Variants in FGF20 observed in about 807,000 individuals in gnomAD.
FGF20 encodes the protein fibroblast growth factor 20.
In FGF20, 8 loss-of-function variants were observed where a neutral mutation model predicts 16.7. That is an observed-to-expected ratio of 0.48 (90% CI 0.28 to 0.87). FGF20 has a LOEUF of 0.87. Among genes scored for constraint, FGF20 ranks in the 40% least tolerant of loss-of-function variants. The pLI is 0.10. For synonymous variants in FGF20, 161 were observed against 118.6 expected, an observed-to-expected ratio of 1.36 and a Z score of -2.32; for missense variants, 397 against 281.4, an observed-to-expected ratio of 1.41 and a Z score of -2.94.
chr8:16,996,007 C>T (rs1810034095), intron 1 of FGF20, among the ~76,000 whole-genome samples: 1 of 152,136 alleles, frequency 6.6e-6, no homozygotes, highest in African/African-American at 2.4e-5. Context: ...CCCAGAGAAC[C>T]TCTGACCGGC....
At chr8:16,998,453 T>C (rs1810106163) in intron 1 of FGF20, among the ~76,000 whole-genome samples, 1 of 152,224 alleles carries the variant, frequency 6.6e-6, no homozygotes, top group Admixed American at 6.5e-5. Flanking sequence ...TAAATGAGAT[T>C]TGACAAGTCT....
At chr8:16,997,061 T>C (rs919179641) in intron 1 of FGF20, among the ~76,000 whole-genome samples, 12 of 152,224 alleles carry the variant, frequency 7.9e-5, no homozygotes, top group African/African-American at 2.4e-4. Flanking sequence ...AGCATGCAAG[T>C]AGATTTACTA....
Position 17,001,918 on chromosome 8 carries a change from CG to C in FGF20, c.114del (p.Glu39SerfsTer83). 6.7e-7 allele frequency: 1 copy of C among 1,488,970 alleles called. No individual in the cohort carries two copies. The highest frequency in any genetic ancestry group is 8.9e-7 in the Non-Finnish European group (1 of 1,120,974). The allele number at this position is 1,488,970 out of a possible 1,614,324, so 92.2% of individuals were successfully genotyped here. On this transcript the variant is annotated frameshift_variant, in exon 1 of 3. Coordinates refer to ENST00000180166, the MANE Select transcript of FGF20 (RefSeq NM_019851.3). LOFTEE classifies it high-confidence loss of function. ...CTCCGCTCCGCCGCGCTCCTGCGCT[CG>C]CCCAGCAGCGGCGGCCGCTCCCCGG... Reference protein sequence around the residue: ...PPAGERPPLLGERRSAAERSA... With the variant: ...PPAGERPPLLXERRSAAERSA...
chr8:17,001,684 G>C (rs1365572257), intron 1 of FGF20, 63 bp downstream of exon 1: 1 of 1,479,530 alleles, frequency 6.8e-7, no homozygotes, highest in Non-Finnish European at 9.0e-7. Flanking sequence ...GAGGTGCAAG[G>C]GGAGGGAACG....
rs774693591 is a variant in FGF20 at position 16,993,061 on chromosome 8, AC to A, written c.*10del. ...TGTGGTTTGACTCTTCCATAATGTC[AC>A]TATCGCACTTCAAGTGTACATCAGT... On this transcript the variant is annotated 3_prime_UTR_variant, in exon 3 of 3. Coordinates refer to ENST00000180166, the MANE Select transcript of FGF20 (RefSeq NM_019851.3). 25 of 1,612,200 alleles carry A rather than the reference AC, an allele frequency of 1.6e-5. No homozygotes were observed. In the Admixed American group the frequency reaches 4.0e-4, roughly 26 times the overall value.
chr8:16,997,868 A>G (rs940396427), intron 1 of FGF20, among the ~76,000 whole-genome samples: 2 of 152,226 alleles, frequency 1.3e-5, no homozygotes, highest in Admixed American at 1.3e-4. Flanking sequence ...AACTTCATTC[A>G]GGCTATAATT....
intron 1 of FGF20, among the ~76,000 whole-genome samples, chr8:16,997,508 C>G (rs1281697380): frequency 6.6e-6 from 1 of 152,176 alleles, no homozygotes; most frequent in African/African-American, 2.4e-5. Flanking sequence ...CTATCCAAAG[C>G]CTAATTCACT....
chr8:17,001,616 TG>T, intron 1 of FGF20, 130 bp downstream of exon 1: 1 of 1,023,402 alleles, frequency 9.8e-7, no homozygotes, highest in Non-Finnish European at 1.3e-6. Context: ...TTGCACCGGA[TG>T]GGTCCAGGGG....
chr8:17,000,743 A>T (rs1487314394), intron 1 of FGF20, among the ~76,000 whole-genome samples: 1 of 151,950 alleles, frequency 6.6e-6, no homozygotes, highest in Non-Finnish European at 1.5e-5. Flanking sequence ...GGCACTTTCT[A>T]GTTACACAGC....
chr8:16,995,602 T>G (rs1323905351), intron 2 of FGF20, 53 bp downstream of exon 2: 3 of 715,114 alleles, frequency 4.2e-6, no homozygotes, highest in Non-Finnish European at 6.6e-6. Flanking sequence ...ACATAATAGA[T>G]AGTCAATATT....
intron 1 of FGF20, among the ~76,000 whole-genome samples, chr8:17,001,433 C>T (rs769923789): frequency 6.6e-6 from 1 of 152,080 alleles, no homozygotes; most frequent in African/African-American, 2.4e-5. Flanking sequence ...TTGGTGTCCC[C>T]GGCAGTGGGA....
rs1253072793 is a variant in FGF20 at position 17,001,929 on chromosome 8, G to T, written c.104C>A (p.Pro35Gln). 5.4e-6 allele frequency: 8 copies of T among 1,492,720 alleles called. No individual in the cohort carries two copies. The Admixed American group carries it at 7.2e-5, about 13-fold the overall frequency. The allele number at this position is 1,492,720 out of a possible 1,614,324, so 92.5% of individuals were successfully genotyped here. A position where few individuals can be genotyped will look rare whatever the true frequency, so the allele number is the denominator to read the frequency against. ...CGCGCTCCTGCGCTCGCCCAGCAGCGGCGGCCGCTCCCCGGCAGGAGGCAA... is the reference window on the plus strand; with the variant it reads ...CGCGCTCCTGCGCTCGCCCAGCAGCTGCGGCCGCTCCCCGGCAGGAGGCAA... Reference protein sequence around the residue: ...FLLPPAGERPPLLGERRSAAE... With the variant: ...FLLPPAGERPQLLGERRSAAE... The change falls in exon 1 of 3, where the codon CCG becomes CAG. Residue 35 changes from proline to glutamine, a missense_variant. Physicochemically the swap from Pro to Gln is moderately conservative, Grantham distance 76. Transcript: ENST00000180166.
chr8:17,000,337 C>T lies in FGF20; in HGVS notation c.286+1410G>A, dbSNP rs141412776. On this transcript the variant is annotated intron_variant, in intron 1 of 2. Coordinates refer to ENST00000180166, the MANE Select transcript of FGF20 (RefSeq NM_019851.3). Reference sequence around the variant, plus strand: ...TAAGCCTTTAAGTGCTACCAAATGACCACCACATGCTTATTTCTACATCTA... The same window carrying T: ...TAAGCCTTTAAGTGCTACCAAATGATCACCACATGCTTATTTCTACATCTA... Among the ~76,000 whole-genome samples the T allele has an allele frequency of 2.5e-3, 379 of 152,242 alleles. 1 individual carries two copies. The highest frequency in any genetic ancestry group is 0.014 in the Middle Eastern group (4 of 294).
At chr8:16,994,340 A>G (rs571980836) in intron 2 of FGF20, among the ~76,000 whole-genome samples, 9 of 152,296 alleles carry the variant, frequency 5.9e-5, no homozygotes, top group African/African-American at 2.2e-4. Context: ...TTGATGATAC[A>G]TTCTCCACGA....
Position 17,002,179 on chromosome 8 carries a change from G to A in FGF20, c.-147C>T. The A allele has an allele frequency of 2.7e-6, 2 of 728,272 alleles. No individual in the cohort carries two copies. The highest frequency in any genetic ancestry group is 8.6e-5 in the Admixed American group (2 of 23,320). The allele number at this position is 728,272 out of a possible 1,614,324, so 45.1% of individuals were successfully genotyped here. ...TCTGAGGTCGCTCCGGAGGGACTTT[G>A]CACTGAAATGGCAGGGAAGCTCTCA... On this transcript the variant is annotated 5_prime_UTR_variant, in exon 1 of 3. Coordinates refer to ENST00000180166, the MANE Select transcript of FGF20 (RefSeq NM_019851.3).
At position 17,001,865 on chromosome 8, in the gene FGF20, C is replaced by T. The variant is rs748250152; in HGVS notation, c.168G>A (p.Gln56=). Residue 56 remains glutamine (Q), a synonymous_variant, in exon 1 of 3, where the codon CAG becomes CAA. Transcript: ENST00000180166. ...GCAGGATGCCGTGCAGGTGCGCCAG[C>T]TGCGCAGCCCCCGGCCCGCCGCGCG... The part of the protein sequence containing the change: ...RSARGGPGAA[Q]LAHLHGILRR... 4.8e-6 allele frequency: 7 copies of T among 1,472,072 alleles called. No individual in the cohort carries two copies. The Admixed American group carries it at 1.3e-4, about 27-fold the overall frequency. The allele number at this position is 1,472,072 out of a possible 1,614,324, so 91.2% of individuals were successfully genotyped here.
chr8:16,994,411 G>A (rs1388937132), intron 2 of FGF20, among the ~76,000 whole-genome samples: 1 of 152,032 alleles, frequency 6.6e-6, no homozygotes, highest in Non-Finnish European at 1.5e-5. Flanking sequence ...ACTGTATATT[G>A]TCCTAAGTGA....
At position 16,993,567 on chromosome 8, in the gene FGF20, AT is replaced by A. The variant is rs11366315; in HGVS notation, c.391-251del. On this transcript the variant is annotated intron_variant, in intron 2 of 2. Transcript: ENST00000180166. The stretch of plus-strand genomic sequence containing the variant: ...CCACTGACCAGTTTCATGGAAGACA[AT>A]TTTTCCACGGACCAGGATGGGGACA... 0.96 allele frequency among the ~76,000 whole-genome samples: 145,774 copies of A among 152,194 alleles called. 70,124 individuals carry two copies. The highest frequency in any genetic ancestry group is 1 in the East Asian group (5,162 of 5,162).
At chr8:16,996,903 T>C (rs1305252952) in intron 1 of FGF20, among the ~76,000 whole-genome samples, 1 of 152,246 alleles carries the variant, frequency 6.6e-6, no homozygotes, top group Non-Finnish European at 1.5e-5. Flanking sequence ...ACACTGTTTC[T>C]TGAGGACAAT....
Sources: allele counts gnomAD v4.1 joint callset (sites outside exome capture counted in the v4.1 genomes callset), GRCh38; gene constraint gnomAD v4.1.1; transcripts MANE v1.5; gene names NCBI Gene and HGNC (gene_info 2026-07-23, HGNC 2026-07-21).